The following EPS15L1 variants were observed in gnomAD, a reference collection of about 807,000 sequenced individuals.
The protein encoded by EPS15L1 is epidermal growth factor receptor pathway substrate 15 like 1, also known as epidermal growth factor receptor substrate 15-like 1.
A neutral mutation model predicts 117.1 loss-of-function variants in EPS15L1; 43 were observed. The ratio of observed to expected loss-of-function variants is 0.37; its 90% CI spans 0.29 to 0.47. The LOEUF is 0.47. EPS15L1 is among the 20% of genes least tolerant of loss of function. EPS15L1 has a pLI of 0.99. For synonymous variants in EPS15L1, 459 were observed against 470.5 expected, an observed-to-expected ratio of 0.98 and a Z score of 0.32; for missense variants, 981 against 1,164.0, an observed-to-expected ratio of 0.84 and a Z score of 2.29.
chr19:16,434,377 A>G lies in EPS15L1; in HGVS notation c.486T>C (p.Asp162=). ...PVLMNSKLPL[D]VLGRVWDLSD... ...GTGGCCCACTTACCCTGCCCAGGAC[A>G]TCAAGAGGCAGCTTTGAGTTCATGA... The change falls in exon 7 of 24, where the codon GAT becomes GAC. Residue 162 remains aspartate (D), a synonymous_variant. Transcript: ENST00000455140. 1 of 1,614,152 alleles carries G rather than the reference A, an allele frequency of 6.2e-7. No homozygotes were observed. The highest frequency in any genetic ancestry group is 8.5e-7 in the Non-Finnish European group (1 of 1,179,990).
chr19:16,417,817 C>A, intron 11 of EPS15L1, 131 bp downstream of exon 11: 2 of 1,350,584 alleles, frequency 1.5e-6, no homozygotes, highest in South Asian at 2.7e-5. Flanking sequence ...CTCCCGGGGG[C>A]CCCTGTTGAG....
intron 1 of EPS15L1, among the ~76,000 whole-genome samples, chr19:16,449,016 G>A (rs1272232317): frequency 1.3e-5 from 2 of 152,152 alleles, no homozygotes; most frequent in Admixed American, 1.3e-4. Flanking sequence ...GTGCGTACCT[G>A]TAGTCCCAGC....
chr19:16,417,970 G>A lies in EPS15L1; in HGVS notation c.1085C>T (p.Ser362Leu), dbSNP rs201102412. ...QVLSPDMVPP[S>L]ERGTPGPDSS... ...CACCGGGCCGGGCGTGCCTCTCTCC[G>A]AAGGCGGGACCATGTCCGGCGAGAG... is the stretch of plus-strand genomic sequence containing the variant. Residue 362 changes from serine (S) to leucine (L), a missense_variant, in exon 11 of 24, where the codon TCG becomes TTG. Around this residue, in one of 5 missense-constraint regions of EPS15L1, gnomAD observed 819 missense variants for 949.0 expected, o/e 0.86. Coordinates refer to ENST00000455140, the MANE Select transcript of EPS15L1 (RefSeq NM_001258374.3). The A allele has an allele frequency of 7.4e-5, 120 of 1,613,930 alleles. 1 individual carries two copies. The highest frequency in any genetic ancestry group is 7.1e-4 in the South Asian group (65 of 91,066).
intron 21 of EPS15L1, among the ~76,000 whole-genome samples, chr19:16,380,423 T>C (rs2092348123): frequency 6.6e-6 from 1 of 152,088 alleles, no homozygotes; most frequent in Non-Finnish European, 1.5e-5. Flanking sequence ...TCTAGGCTTC[T>C]AGCGTTTACT....
At chr19:16,382,479 C>T (rs898958610) in intron 21 of EPS15L1, among the ~76,000 whole-genome samples, 4 of 152,154 alleles carry the variant, frequency 2.6e-5, no homozygotes, top group Non-Finnish European at 4.4e-5. Flanking sequence ...AAGAGAAACA[C>T]GTTTGAGTTC....
intron 1 of EPS15L1, among the ~76,000 whole-genome samples, chr19:16,454,884 CT>C (rs2093180082): frequency 6.6e-6 from 1 of 151,474 alleles, no homozygotes; most frequent in East Asian, 1.9e-4. Flanking sequence ...AACCCCAGCA[CT>C]TTTGGGGGCT....
chr19:16,385,162 A>G lies in EPS15L1; in HGVS notation c.2214T>C (p.Ala738=), dbSNP rs1429384418. The G allele has an allele frequency of 2.5e-6, 4 of 1,614,114 alleles. No individual in the cohort carries two copies. The highest frequency in any genetic ancestry group is 2.2e-5 in the South Asian group (2 of 91,092). Residue 738 remains alanine (A), a synonymous_variant, in exon 21 of 24, where the codon GCT becomes GCC. Coordinates refer to ENST00000455140, the MANE Select transcript of EPS15L1 (RefSeq NM_001258374.3). ...DPFGSGSFNS[A]EGFADFSQMS... ...TCTGGCTGAAGTCGGCAAAGCCTTC[A>G]GCACTATTGAAGGACCCACTTCCGA... is the stretch of plus-strand genomic sequence containing the variant.
At chr19:16,442,975 C>A (rs1421430067) in intron 1 of EPS15L1, among the ~76,000 whole-genome samples, 2 of 152,220 alleles carry the variant, frequency 1.3e-5, no homozygotes, top group Non-Finnish European at 2.9e-5. Flanking sequence ...GTGTCCTGAG[C>A]TCTGCCAGAC....
chr19:16,412,728 T>G (rs1278915315), intron 13 of EPS15L1: 282 of 34,358 alleles, frequency 8.2e-3, no homozygotes, highest in Non-Finnish European at 0.011. Flanking sequence ...GGGGGGGGGG[T>G]GTCAGAGGCC....
At chr19:16,362,063 G>A in intron 22 of EPS15L1, 79 bp from the exon 23 acceptor site, 1 of 1,406,190 alleles carries the variant, frequency 7.1e-7, no homozygotes, top group Non-Finnish European at 9.5e-7. Context: ...AATGCTGGTG[G>A]GCACAAGCCC....
chr19:16,375,571 A>G (rs536692489), intron 22 of EPS15L1, among the ~76,000 whole-genome samples: 1 of 152,330 alleles, frequency 6.6e-6, no homozygotes, highest in East Asian at 1.9e-4. Context: ...ATCCCTGAAG[A>G]GCCACTGCCT....
At chr19:16,465,301 C>G (rs1412192191) in intron 1 of EPS15L1, among the ~76,000 whole-genome samples, 2 of 152,090 alleles carry the variant, frequency 1.3e-5, no homozygotes, top group African/African-American at 4.8e-5. Flanking sequence ...GTGACCTGAG[C>G]CTCTGCTGTG....
In EPS15L1 at chr19:16,409,653, A is replaced by G. The variant is rs564822568; in HGVS notation, c.1266+4120T>C. Among the ~76,000 whole-genome samples, 98 of 152,282 alleles carry G rather than the reference A, an allele frequency of 6.4e-4. 1 individual carries two copies. Among genetic ancestry groups the G allele is most frequent in the African/African-American group, 2.3e-3 (95 of 41,552 alleles). On this transcript the variant is annotated intron_variant, in intron 13 of 23. Transcript: ENST00000455140. ...GATAAAGAATTCTTCAAATTCAGCTATAGGCCAGGCGCAGTGGCTCCCGCC... is the reference window on the plus strand; with the variant it reads ...GATAAAGAATTCTTCAAATTCAGCTGTAGGCCAGGCGCAGTGGCTCCCGCC...
chr19:16,441,485 C>T lies in EPS15L1; in HGVS notation c.165+407G>A, dbSNP rs149655982. ...AGACTGTCTCAAAAAAAAAATTAGC[C>T]GGGTGTGGTAGCATGTGCCTGTAAT... On this transcript the variant is annotated intron_variant, in intron 3 of 23. Transcript: ENST00000455140. 6.6e-3 allele frequency: 1,101 copies of T among 166,520 alleles called. 15 individuals carry two copies. The highest frequency in any genetic ancestry group is 0.025 in the African/African-American group (1,038 of 41,642). 10.3% of individuals were successfully genotyped at this position (166,520 alleles called of 1,614,324 possible).
chr19:16,463,946 C>T (rs556507280), intron 1 of EPS15L1, among the ~76,000 whole-genome samples: 11 of 152,316 alleles, frequency 7.2e-5, no homozygotes, highest in South Asian at 2.1e-4. Flanking sequence ...GATGAAGGAT[C>T]GCCTGCGCAG....
Position 16,404,555 on chromosome 19 carries a change from T to C in EPS15L1, c.1428+33A>G, listed in dbSNP as rs758941455. The C allele has an allele frequency of 1.2e-5, 19 of 1,612,356 alleles. No individual in the cohort carries two copies. In the Admixed American group the frequency reaches 2.3e-4, roughly 20 times the overall value. The stretch of plus-strand genomic sequence containing the variant: ...TCCTTGGGAAGCCCCTGCCTGTGCA[T>C]AGGGCGCTGCCCCGGAGGTGGCCGG... On this transcript the variant is annotated intron_variant, in intron 14 of 23. Coordinates refer to ENST00000455140, the MANE Select transcript of EPS15L1 (RefSeq NM_001258374.3). The surrounding 1 kb of genome is among the most constrained non-coding windows in gnomAD (Gnocchi z 4.2).
intron 21 of EPS15L1, among the ~76,000 whole-genome samples, chr19:16,379,663 C>T (rs1385431500): frequency 6.6e-6 from 1 of 151,956 alleles, no homozygotes; most frequent in Non-Finnish European, 1.5e-5. Flanking sequence ...TCTAGTCACA[C>T]AGACAAGGCC....
chr19:16,418,226 A>C (rs1413831140), intron 10 of EPS15L1, 122 bp from the exon 11 acceptor site: 1 of 1,096,616 alleles, frequency 9.1e-7, no homozygotes, highest in African/African-American at 1.6e-5. Flanking sequence ...GCGTGGTGGC[A>C]AGCCCCAGCT....
rs766338264 is a variant in EPS15L1 at position 16,428,679 on chromosome 19, G to A, written c.558+23C>T. 1.7e-5 allele frequency: 27 copies of A among 1,603,350 alleles called. 1 individual carries two copies. In the South Asian group the frequency reaches 2.9e-4, roughly 17 times the overall value. On this transcript the variant is annotated intron_variant, in intron 8 of 23. Transcript: ENST00000455140. ...TGCACATTTCCTTCCTGGGCTGGGT[G>A]GGGAGGAAACAGCAGGACTTACCAC... is the stretch of plus-strand genomic sequence containing the variant.
Sources: allele counts gnomAD v4.1 joint callset (sites outside exome capture counted in the v4.1 genomes callset), GRCh38; gene constraint gnomAD v4.1.1; regional missense constraint gnomAD v4.1.1; non-coding constraint Gnocchi (gnomAD v3.1); transcripts MANE v1.5; gene names NCBI Gene and HGNC (gene_info 2026-07-23, HGNC 2026-07-21).